The following LGSN variants were observed in gnomAD, a reference collection of about 807,000 sequenced individuals.
LGSN encodes lengsin, lens protein with glutamine synthetase domain.
A neutral mutation model predicts 19.5 loss-of-function variants in LGSN; 21 were observed. The observed-to-expected ratio is 1.07, with a 90% CI of 0.76 to 1.55. LGSN has a LOEUF of 1.55. Among genes scored for constraint, LGSN ranks in the 40% most tolerant of loss-of-function variants. The pLI is 0.00. For synonymous variants in LGSN, 257 were observed against 215.6 expected (o/e 1.19, Z -1.68); for missense variants, 673 against 608.5 (o/e 1.11, Z -1.12).
At chr6:63,533,533 T>C in the LGSN span, among the ~76,000 whole-genome samples, 2 of 152,218 alleles carry the variant, frequency 1.3e-5, no homozygotes, top group Non-Finnish European at 2.9e-5. Context: ...GCTCAAGAAA[T>C]AATGCTTACC....
At chr6:63,531,625 G>T in the LGSN span, among the ~76,000 whole-genome samples, 2 of 150,908 alleles carry the variant, frequency 1.3e-5, no homozygotes, top group African/African-American at 4.9e-5. Flanking sequence ...GAGTAGCTGG[G>T]ACTATAGGCA....
chr6:63,439,809 C>G, the LGSN span, among the ~76,000 whole-genome samples: 4 of 152,208 alleles, frequency 2.6e-5, no homozygotes, highest in Admixed American at 1.3e-4. Context: ...CTCTACTCTT[C>G]TTTAAGGTCC....
the LGSN span, among the ~76,000 whole-genome samples, chr6:63,331,801 C>T: frequency 6.6e-6 from 1 of 152,148 alleles, no homozygotes; most frequent in Non-Finnish European, 1.5e-5. Context: ...TGAAAACCTG[C>T]ACCCTTGCCT....
chr6:63,377,543 C>T, the LGSN span, among the ~76,000 whole-genome samples: 1 of 152,126 alleles, frequency 6.6e-6, no homozygotes, highest in Non-Finnish European at 1.5e-5. Context: ...ATAGAAAGAA[C>T]ACCTAACGTA....
chr6:63,294,647 A>G (rs1767906127), intron 2 of LGSN, among the ~76,000 whole-genome samples: 1 of 151,466 alleles, frequency 6.6e-6, no homozygotes, highest in South Asian at 2.1e-4. Flanking sequence ...TCCTACTCAT[A>G]CATTCCTCTG....
At chr6:63,315,280 T>G (rs1318925613) in intron 1 of LGSN, among the ~76,000 whole-genome samples, 1 of 152,170 alleles carries the variant, frequency 6.6e-6, no homozygotes, top group African/African-American at 2.4e-5. Flanking sequence ...GAGACTTCTT[T>G]GGATGTCAGC....
At chr6:63,292,645 T>G (rs551493071) in intron 2 of LGSN, among the ~76,000 whole-genome samples, 1 of 152,292 alleles carries the variant, frequency 6.6e-6, no homozygotes, top group East Asian at 1.9e-4. Context: ...TGAGCTTCCT[T>G]GGTTGGCAAT....
chr6:63,571,828 T>C, the LGSN span: 2 of 152,262 alleles, frequency 1.3e-5, no homozygotes, highest in Non-Finnish European at 1.5e-5. Context: ...TTCTATAGCC[T>C]TAAGTTTTGC....
the LGSN span, among the ~76,000 whole-genome samples, chr6:63,492,361 T>G: frequency 8.5e-5 from 12 of 140,520 alleles, no homozygotes; most frequent in Admixed American, 1.5e-4. Context: ...CTAGGACAAA[T>G]TAATTGCATG....
chr6:63,515,405 A>G, the LGSN span, among the ~76,000 whole-genome samples: 2 of 151,916 alleles, frequency 1.3e-5, no homozygotes, highest in African/African-American at 2.4e-5. Flanking sequence ...CTAATTTTGT[A>G]TTTTTAGTAG....
chr6:63,324,966 C>T (rs1266294234), upstream of LGSN, among the ~76,000 whole-genome samples: 3 of 151,676 alleles, frequency 2.0e-5, no homozygotes, highest in Admixed American at 6.6e-5. Flanking sequence ...ATTAGCTGGG[C>T]GTGGTTGAGC....
chr6:63,379,392 A>G, the LGSN span, among the ~76,000 whole-genome samples: 2,876 of 152,266 alleles, frequency 0.019, 65 homozygotes, highest in African/African-American at 0.052. Context: ...ATCCAGTGCC[A>G]TCAGATCACT....
At chr6:63,438,508 G>GA in the LGSN span, among the ~76,000 whole-genome samples, 63 of 151,826 alleles carry the variant, frequency 4.1e-4, no homozygotes, top group East Asian at 0.011. Flanking sequence ...AAATTTACAA[G>GA]AAAAAAACAA....
chr6:63,362,958 T>G, the LGSN span, among the ~76,000 whole-genome samples: 1 of 152,218 alleles, frequency 6.6e-6, no homozygotes, highest in Non-Finnish European at 1.5e-5. Context: ...AGGGGCCGAC[T>G]GACACCTCAT....
At chr6:63,300,483 A>C (rs1028906667) in intron 1 of LGSN, among the ~76,000 whole-genome samples, 2 of 152,034 alleles carry the variant, frequency 1.3e-5, no homozygotes, top group African/African-American at 4.8e-5. Flanking sequence ...CCTAGGCAAC[A>C]TGGTGAGATG....
At chr6:63,449,236 T>C in the LGSN span, among the ~76,000 whole-genome samples, 1 of 151,846 alleles carries the variant, frequency 6.6e-6, no homozygotes, top group East Asian at 1.9e-4. Flanking sequence ...AGAGCCAACA[T>C]AAAAGCAAAG....
Position 63,295,346 on chromosome 6 carries a change from T to A in LGSN, c.31-301A>T, listed in dbSNP as rs188864333. On this transcript the variant is annotated intron_variant, in intron 1 of 3. Coordinates refer to ENST00000370657, the MANE Select transcript of LGSN (RefSeq NM_016571.3). ...CTATGTTTATTTTTTACTTTGGGAA[T>A]TTTATATTATTTATTCCTCAATAAT... Among the ~76,000 whole-genome samples the A allele has an allele frequency of 7.1e-3, 1,083 of 152,266 alleles. 9 individuals are homozygous for A. Among genetic ancestry groups the A allele is most frequent in the Non-Finnish European group, 0.013 (898 of 68,004 alleles).
chr6:63,396,186 G>A, the LGSN span: 893 of 156,706 alleles, frequency 5.7e-3, 2 homozygotes, highest in African/African-American at 0.019. Context: ...GTGGAGAGAC[G>A]GGCAAGTTGC....
At chr6:63,306,890 G>A (rs1420073473) in intron 1 of LGSN, among the ~76,000 whole-genome samples, 3 of 152,152 alleles carry the variant, frequency 2.0e-5, no homozygotes, top group Non-Finnish European at 4.4e-5. Context: ...TTTCATGATT[G>A]TTAAATACTG....
Sources: allele counts gnomAD v4.1 joint callset (sites outside exome capture counted in the v4.1 genomes callset), GRCh38; gene constraint gnomAD v4.1.1; transcripts MANE v1.5; gene names NCBI Gene and HGNC (gene_info 2026-07-23, HGNC 2026-07-21).